Variants in FAM184B observed in about 807,000 individuals in gnomAD.
FAM184B encodes the protein family with sequence similarity 184 member B, also known as protein FAM184B.
FAM184B carries 111 observed loss-of-function variants against 135.9 expected under a neutral mutation model. That is an observed-to-expected ratio of 0.82 (90% CI 0.70 to 0.96). FAM184B has a LOEUF of 0.96. FAM184B is among the 40% of genes least tolerant of loss of function. FAM184B has a pLI of 0.00. For synonymous variants in FAM184B, 552 were observed against 524.8 expected, an observed-to-expected ratio of 1.05 and a Z score of -0.71; for missense variants, 1,375 against 1,323.9, an observed-to-expected ratio of 1.04 and a Z score of -0.60.
chr4:17,638,061 GT>G (rs1224475611), intron 14 of FAM184B, among the ~76,000 whole-genome samples: 1 of 142,390 alleles, frequency 7.0e-6, no homozygotes, highest in Non-Finnish European at 1.5e-5. Flanking sequence ...CAGAGGCCTT[GT>G]TTTGCCCACC....
At chr4:17,708,869 T>C (rs1267071494) in intron 2 of FAM184B, 23 bp downstream of exon 2, 1 of 1,482,280 alleles carries the variant, frequency 6.7e-7, no homozygotes, top group Admixed American at 2.4e-5. Context: ...CCTTTGGGGT[T>C]GTAAGAAGAG....
chr4:17,722,832 T>A (rs2108973257), intron 1 of FAM184B, among the ~76,000 whole-genome samples: 1 of 152,314 alleles, frequency 6.6e-6, no homozygotes, highest in African/African-American at 2.4e-5. Flanking sequence ...TTAATAAACA[T>A]GTGTATGCGT....
intron 5 of FAM184B, among the ~76,000 whole-genome samples, chr4:17,702,072 G>A (rs1716998633): frequency 6.6e-6 from 1 of 152,202 alleles, no homozygotes; most frequent in Admixed American, 6.5e-5. Flanking sequence ...GTAAGCTGCA[G>A]GTCCAGGTTC....
At chr4:17,752,441 T>C (rs1718326332) in intron 1 of FAM184B, among the ~76,000 whole-genome samples, 1 of 152,038 alleles carries the variant, frequency 6.6e-6, no homozygotes, top group Non-Finnish European at 1.5e-5. Context: ...GATAGCTTAC[T>C]AGAGGAACAA....
At chr4:17,688,347 G>T in intron 7 of FAM184B, 77 bp downstream of exon 7, 1 of 1,046,186 alleles carries the variant, frequency 9.6e-7, no homozygotes, top group Non-Finnish European at 1.4e-6. Context: ...ACATCAGCAT[G>T]TGTTACTGGG....
At chr4:17,765,508 C>T (rs180709979) in intron 1 of FAM184B, among the ~76,000 whole-genome samples, 19 of 151,208 alleles carry the variant, frequency 1.3e-4, no homozygotes, top group Admixed American at 7.9e-4. Flanking sequence ...CACGATCCCT[C>T]GTATTGACAA....
At chr4:17,654,971 C>T (rs1241534303) in intron 10 of FAM184B, among the ~76,000 whole-genome samples, 9 of 152,160 alleles carry the variant, frequency 5.9e-5, no homozygotes, top group East Asian at 1.9e-4. Context: ...CCCATCTCAG[C>T]GTCTTGAGTA....
intron 5 of FAM184B, among the ~76,000 whole-genome samples, chr4:17,703,623 T>G: frequency 6.6e-6 from 1 of 152,174 alleles, no homozygotes; most frequent in East Asian, 1.9e-4. Flanking sequence ...CTTGAAGTAT[T>G]TAGCCCTATT....
chr4:17,674,969 T>C (rs1209930854), intron 7 of FAM184B, among the ~76,000 whole-genome samples: 1 of 152,124 alleles, frequency 6.6e-6, no homozygotes, highest in Non-Finnish European at 1.5e-5. Flanking sequence ...TGGAATCAAT[T>C]TCTTTCAAAC....
At chr4:17,737,009 G>A (rs1310298264) in intron 1 of FAM184B, among the ~76,000 whole-genome samples, 2 of 152,136 alleles carry the variant, frequency 1.3e-5, no homozygotes, top group Non-Finnish European at 2.9e-5. Flanking sequence ...GCTGAGTATG[G>A]TGGCAGGCAC....
intron 7 of FAM184B, among the ~76,000 whole-genome samples, chr4:17,673,554 G>GTA (rs752147482): frequency 7.9e-5 from 12 of 152,192 alleles, no homozygotes; most frequent in Non-Finnish European, 1.3e-4. Context: ...AGAAACTGTG[G>GTA]TATATATATA....
intron 5 of FAM184B, among the ~76,000 whole-genome samples, chr4:17,694,083 T>G (rs1716799223): frequency 6.6e-6 from 1 of 152,176 alleles, no homozygotes; most frequent in Non-Finnish European, 1.5e-5. Flanking sequence ...GGGGACCACA[T>G]GAGCGGTGCA....
intron 1 of FAM184B, among the ~76,000 whole-genome samples, chr4:17,774,229 G>A (rs937111014): frequency 9.2e-5 from 14 of 152,118 alleles, no homozygotes; most frequent in Admixed American, 3.3e-4. Flanking sequence ...AAAGCCGGAC[G>A]TGGCAGTGCA....
chr4:17,653,420 G>A (rs1445656564), intron 10 of FAM184B, among the ~76,000 whole-genome samples: 1 of 152,210 alleles, frequency 6.6e-6, no homozygotes, highest in Non-Finnish European at 1.5e-5. Context: ...GGTGTGCACA[G>A]CAGAGCAGAA....
At chr4:17,744,203 G>T (rs748671884) in intron 1 of FAM184B, among the ~76,000 whole-genome samples, 3 of 151,936 alleles carry the variant, frequency 2.0e-5, no homozygotes, top group African/African-American at 7.3e-5. Context: ...ATTTATTTGG[G>T]GTCTTAATTA....
chr4:17,727,143 C>T (rs151305627), intron 1 of FAM184B, among the ~76,000 whole-genome samples: 2 of 152,304 alleles, frequency 1.3e-5, no homozygotes, highest in Non-Finnish European at 1.5e-5. Context: ...CAGTATGACT[C>T]ACTGAACACC....
At chr4:17,745,948 G>T (rs769804116) in intron 1 of FAM184B, among the ~76,000 whole-genome samples, 1 of 152,092 alleles carries the variant, frequency 6.6e-6, no homozygotes, top group Non-Finnish European at 1.5e-5. Context: ...TTTAATTTTT[G>T]TCACTACAAA....
chr4:17,746,574 T>C (rs1007571746), intron 1 of FAM184B, among the ~76,000 whole-genome samples: 1 of 149,658 alleles, frequency 6.7e-6, no homozygotes, highest in Non-Finnish European at 1.5e-5. Context: ...CTACTAAAAA[T>C]ACAAAAAATT....
chr4:17,727,483 A>G (rs1257010613), intron 1 of FAM184B, among the ~76,000 whole-genome samples: 1 of 152,220 alleles, frequency 6.6e-6, no homozygotes, highest in African/African-American at 2.4e-5. Context: ...TAATTTATAA[A>G]CAAAAGAGGT....
Sources: allele counts gnomAD v4.1 joint callset (sites outside exome capture counted in the v4.1 genomes callset), GRCh38; gene constraint gnomAD v4.1.1; transcripts MANE v1.5; gene names NCBI Gene and HGNC (gene_info 2026-07-23, HGNC 2026-07-21).